The following PHLDB2 variants were observed in gnomAD, a reference collection of about 807,000 sequenced individuals.
PHLDB2 encodes pleckstrin homology-like domain family B member 2.
A neutral mutation model predicts 123.6 loss-of-function variants in PHLDB2; 71 were observed. The observed-to-expected ratio is 0.57, with a 90% CI of 0.47 to 0.70. The LOEUF (loss-of-function observed/expected upper bound fraction) is 0.70. PHLDB2 is among the 30% of genes least tolerant of loss of function. The pLI is 0.00. For missense variants in PHLDB2, 1,446 were observed against 1,519.5 expected (o/e 0.95, Z 0.80); for synonymous variants, 547 against 541.6 (o/e 1.01, Z -0.14).
intron 1 of PHLDB2, among the ~76,000 whole-genome samples, chr3:111,736,365 A>C (rs1232389681): frequency 6.6e-6 from 1 of 152,160 alleles, no homozygotes; most frequent in Admixed American, 6.5e-5. Context: ...AAATCAGCTA[A>C]ATTTTTCAAA....
chr3:111,860,363 C>T (rs1344032908), intron 1 of PHLDB2, among the ~76,000 whole-genome samples: 1 of 152,152 alleles, frequency 6.6e-6, no homozygotes, highest in Non-Finnish European at 1.5e-5. Context: ...TGACCCCCCA[C>T]TGAAAGTTTA....
At chr3:111,806,507 C>T (rs1400983232) in intron 1 of PHLDB2, among the ~76,000 whole-genome samples, 1 of 147,906 alleles carries the variant, frequency 6.8e-6, no homozygotes, top group South Asian at 2.1e-4. Flanking sequence ...TTTTTTGAGA[C>T]GGAGTCTCAC....
chr3:111,939,428 T>A, intron 6 of PHLDB2, 47 bp from the exon 7 acceptor site: 1 of 1,553,394 alleles, frequency 6.4e-7, no homozygotes, highest in Non-Finnish European at 8.7e-7. Context: ...ATTAAGAAGG[T>A]GGTAGTTATC....
At chr3:111,878,721 G>A (rs1366137897) in intron 1 of PHLDB2, among the ~76,000 whole-genome samples, 1 of 152,132 alleles carries the variant, frequency 6.6e-6, no homozygotes. Context: ...TTTGAGATAC[G>A]TTCCATCAAT....
intron 2 of PHLDB2, among the ~76,000 whole-genome samples, chr3:111,894,563 C>G (rs376765487): frequency 1.5e-4 from 23 of 151,870 alleles, no homozygotes; most frequent in South Asian, 2.1e-4. Context: ...CACATCCTCT[C>G]CAACATCTGT....
intron 13 of PHLDB2, among the ~76,000 whole-genome samples, chr3:111,963,024 T>G (rs1434618101): frequency 6.6e-6 from 1 of 152,218 alleles, no homozygotes; most frequent in East Asian, 1.9e-4. Context: ...CTTGTATTTG[T>G]TAAAAGGAAG....
At chr3:111,862,226 G>C (rs2064867517) in intron 1 of PHLDB2, among the ~76,000 whole-genome samples, 1 of 152,150 alleles carries the variant, frequency 6.6e-6, no homozygotes, top group Non-Finnish European at 1.5e-5. Context: ...CAGTGCTATG[G>C]TGCTGTGGAT....
rs536508435 is a variant in PHLDB2 at position 111,794,366 on chromosome 3, G to A, written c.-48-51455G>A. 7.1e-4 allele frequency among the ~76,000 whole-genome samples: 108 copies of A among 152,256 alleles called. 1 individual carries two copies. The highest frequency in any genetic ancestry group is 2.2e-3 in the African/African-American group (92 of 41,560). On this transcript the variant is annotated intron_variant, in intron 1 of 17. Transcript: ENST00000393923. Reference sequence around the variant, plus strand: ...CTCTGGGCCATGTGGCTGCCGCTGCGGAATAGAGGAGGGGTGGTGTTGGCA... The same window carrying A: ...CTCTGGGCCATGTGGCTGCCGCTGCAGAATAGAGGAGGGGTGGTGTTGGCA...
chr3:111,937,919 C>G (rs890151559), intron 6 of PHLDB2, among the ~76,000 whole-genome samples: 13 of 152,070 alleles, frequency 8.5e-5, no homozygotes, highest in Non-Finnish European at 1.5e-5. Flanking sequence ...CAACATGCAT[C>G]AATCTCTGCA....
At chr3:111,771,739 T>G (rs1458589689) in intron 1 of PHLDB2, among the ~76,000 whole-genome samples, 1 of 152,138 alleles carries the variant, frequency 6.6e-6, no homozygotes, top group Non-Finnish European at 1.5e-5. Context: ...TGGATTAGAG[T>G]CTACCCTCAT....
At chr3:111,865,373 TG>T (rs1203928937) in intron 1 of PHLDB2, among the ~76,000 whole-genome samples, 3 of 152,242 alleles carry the variant, frequency 2.0e-5, no homozygotes, top group Non-Finnish European at 4.4e-5. Flanking sequence ...TGGAATGTCA[TG>T]GGCAACAGTC....
At chr3:111,908,167 G>A (rs2067665743) in intron 2 of PHLDB2, among the ~76,000 whole-genome samples, 1 of 152,044 alleles carries the variant, frequency 6.6e-6, no homozygotes, top group African/African-American at 2.4e-5. Flanking sequence ...TATCACATGT[G>A]GCCCACTCTA....
At chr3:111,759,490 T>C (rs6784441) in intron 1 of PHLDB2, among the ~76,000 whole-genome samples, 41,210 of 152,092 alleles carry the variant, frequency 0.27, 6,015 homozygotes, top group East Asian at 0.53. Flanking sequence ...GACCACAACA[T>C]TGAGATTTTA....
At chr3:111,807,160 T>A (rs909970316) in intron 1 of PHLDB2, among the ~76,000 whole-genome samples, 1 of 152,014 alleles carries the variant, frequency 6.6e-6, no homozygotes, top group Non-Finnish European at 1.5e-5. Context: ...ACTCAACTTA[T>A]CTGAGATTCA....
chr3:111,956,936 A>G (rs2071094467), intron 12 of PHLDB2: 1 of 152,220 alleles, frequency 6.6e-6, no homozygotes, highest in African/African-American at 2.4e-5. Flanking sequence ...ACTCACATTT[A>G]GTAGACTTTA....
Position 111,853,789 on chromosome 3 carries a change from C to T in PHLDB2, c.67+7854C>T, listed in dbSNP as rs549399275. On this transcript the variant is annotated intron_variant, in intron 2 of 17. Transcript: ENST00000393923. ...ACTCCAGAGGCTGAAGCAGGAGAAT[C>T]GCTTAAACCCAGTAGGCAGAGGTTG... Among the ~76,000 whole-genome samples the T allele has an allele frequency of 4.7e-4, 72 of 152,078 alleles. 1 individual carries two copies. Among genetic ancestry groups the T allele is most frequent in the East Asian group, 2.3e-3 (12 of 5,178 alleles).
At chr3:111,804,078 T>C (rs935519413) in intron 1 of PHLDB2, among the ~76,000 whole-genome samples, 1 of 152,336 alleles carries the variant, frequency 6.6e-6, no homozygotes, top group Non-Finnish European at 1.5e-5. Flanking sequence ...ACATTTTTTC[T>C]GATCGTCCTC....
chr3:111,943,246 A>G (rs1472366067), intron 8 of PHLDB2, among the ~76,000 whole-genome samples: 1 of 152,202 alleles, frequency 6.6e-6, no homozygotes, highest in Non-Finnish European at 1.5e-5. Context: ...ACCCATACAT[A>G]TATACTGTCT....
intron 1 of PHLDB2, among the ~76,000 whole-genome samples, chr3:111,780,640 A>G (rs1033170350): frequency 3.3e-5 from 5 of 152,000 alleles, no homozygotes; most frequent in Non-Finnish European, 5.9e-5. Context: ...TCAGAACCAT[A>G]TGAGTTTTAT....
Sources: allele counts gnomAD v4.1 joint callset (sites outside exome capture counted in the v4.1 genomes callset), GRCh38; gene constraint gnomAD v4.1.1; transcripts MANE v1.5; gene names NCBI Gene and HGNC (gene_info 2026-07-23, HGNC 2026-07-21).